The following EPB41L4A variants were observed in gnomAD, a reference collection of about 807,000 sequenced individuals.
EPB41L4A encodes erythrocyte membrane protein band 4.1 like 4A.
Under a neutral mutation model 108.6 loss-of-function variants are expected in EPB41L4A, and 100 were observed. That is an observed-to-expected ratio of 0.92 (90% confidence interval 0.78 to 1.09). EPB41L4A has a LOEUF of 1.09. Ranked by LOEUF, EPB41L4A falls within the 50% of genes least tolerant of loss-of-function variation. The pLI is 0.00. For synonymous variants in EPB41L4A, 319 were observed against 289.0 expected (o/e 1.10, Z -1.05); for missense variants, 1,030 against 842.7 (o/e 1.22, Z -2.75).
chr5:112,380,914 T>C (rs1760136829), intron 1 of EPB41L4A, among the ~76,000 whole-genome samples: 1 of 151,904 alleles, frequency 6.6e-6, no homozygotes, highest in Admixed American at 6.6e-5. Flanking sequence ...CACCAGACCA[T>C]TCTTACATTC....
At chr5:112,301,528 C>A (rs921367276) in intron 2 of EPB41L4A, among the ~76,000 whole-genome samples, 7 of 152,144 alleles carry the variant, frequency 4.6e-5, no homozygotes, top group Admixed American at 4.6e-4. Context: ...GCCATGGATA[C>A]CAGCACAGTA....
intron 12 of EPB41L4A, among the ~76,000 whole-genome samples, chr5:112,148,120 T>C (rs146612747): frequency 6.9e-4 from 102 of 147,194 alleles, no homozygotes; most frequent in African/African-American, 2.5e-3. Flanking sequence ...CTATATAATA[T>C]AATAATATAA....
At chr5:112,236,857 T>C (rs1377760163) in intron 11 of EPB41L4A, among the ~76,000 whole-genome samples, 1 of 152,212 alleles carries the variant, frequency 6.6e-6, no homozygotes, top group Non-Finnish European at 1.5e-5. Context: ...AAGGGGGATA[T>C]GAAACCTCTT....
chr5:112,156,484 CCTTT>C (rs138779470), intron 12 of EPB41L4A, among the ~76,000 whole-genome samples: 7,634 of 152,152 alleles, frequency 0.05, 647 homozygotes, highest in African/African-American at 0.17. Flanking sequence ...GCAAGCGAAT[CCTTT>C]CTTTATCCCG....
intron 1 of EPB41L4A, among the ~76,000 whole-genome samples, chr5:112,386,360 A>C (rs938515377): frequency 1.3e-5 from 2 of 152,222 alleles, no homozygotes; most frequent in African/African-American, 4.8e-5. Flanking sequence ...TTCATTAATA[A>C]ATTTTCATTG....
At chr5:112,301,548 T>C (rs1211717648) in intron 2 of EPB41L4A, among the ~76,000 whole-genome samples, 1 of 152,136 alleles carries the variant, frequency 6.6e-6, no homozygotes, top group Non-Finnish European at 1.5e-5. Context: ...ATTTGCAGTG[T>C]CTCTGGGTTC....
chr5:112,172,552 A>T (rs1458348122), intron 18 of EPB41L4A, among the ~76,000 whole-genome samples: 1 of 151,976 alleles, frequency 6.6e-6, no homozygotes, highest in African/African-American at 2.4e-5. Flanking sequence ...TACAAATCAT[A>T]GAAACTGCTT....
intron 1 of EPB41L4A, among the ~76,000 whole-genome samples, chr5:112,360,702 A>C (rs1758673051): frequency 6.6e-6 from 1 of 152,122 alleles, no homozygotes; most frequent in Non-Finnish European, 1.5e-5. Flanking sequence ...CACCCCGTCT[A>C]AGAAGTGAGG....
intron 2 of EPB41L4A, among the ~76,000 whole-genome samples, chr5:112,283,571 C>T (rs190007111): frequency 1.7e-3 from 266 of 152,268 alleles, no homozygotes; most frequent in Non-Finnish European, 3.1e-3. Flanking sequence ...ACACAATATC[C>T]CTGTTTTAAG....
intron 1 of EPB41L4A, among the ~76,000 whole-genome samples, chr5:112,316,241 A>G (rs780731995): frequency 1.4e-4 from 21 of 152,242 alleles, no homozygotes; most frequent in Non-Finnish European, 2.8e-4. Context: ...TCACAGAATG[A>G]TAACTATTAC....
At chr5:112,298,139 G>C (rs188849681) in intron 2 of EPB41L4A, among the ~76,000 whole-genome samples, 139 of 152,160 alleles carry the variant, frequency 9.1e-4, no homozygotes, top group Middle Eastern at 6.8e-3. Flanking sequence ...TGAACTGTAG[G>C]ATTGTTTTTT....
Position 112,209,974 on chromosome 5 carries a change from T to C in EPB41L4A, c.1096A>G (p.Ser366Gly), listed in dbSNP as rs1762656224. The part of the protein sequence containing the change: ...IAQTQPAESN[S>G]ISRITANMEN... ...ATGTTTGCAGTTATCCTACTGATGC[T>C]GTTTGATTCTAGCAGAGGAGGAGAA... The change falls in exon 13 of 23, where the codon AGC becomes GGC. Residue 366 changes from serine to glycine, a missense_variant. Transcript: ENST00000261486. The C allele has an allele frequency of 8.3e-6, 13 of 1,571,810 alleles. No individual in the cohort carries two copies. Among genetic ancestry groups the C allele is most frequent in the Non-Finnish European group, 1.1e-5 (13 of 1,145,234 alleles).
chr5:112,145,768 G>C, intron 13 of EPB41L4A: 2 of 316,396 alleles, frequency 6.3e-6, no homozygotes, highest in South Asian at 5.2e-5. Flanking sequence ...CCAAATCACT[G>C]TAAAAAGAAT....
intron 13 of EPB41L4A, among the ~76,000 whole-genome samples, chr5:112,206,589 G>T (rs1036478253): frequency 6.6e-6 from 1 of 152,070 alleles, no homozygotes; most frequent in Admixed American, 6.5e-5. Flanking sequence ...TATTTAATAC[G>T]ATAGTAGAAA....
intron 1 of EPB41L4A, among the ~76,000 whole-genome samples, chr5:112,417,290 A>G (rs1323411082): frequency 6.6e-6 from 1 of 152,240 alleles, no homozygotes; most frequent in East Asian, 1.9e-4. Flanking sequence ...AGAATAATGT[A>G]CACGCTCTAC....
chr5:112,146,432 C>T (rs1216778515), intron 12 of EPB41L4A, among the ~76,000 whole-genome samples: 2 of 152,094 alleles, frequency 1.3e-5, no homozygotes, highest in Non-Finnish European at 2.9e-5. Context: ...ATTCTGTGTC[C>T]CACAGGAGCA....
chr5:112,223,773 G>GA (rs1317160243), intron 12 of EPB41L4A, among the ~76,000 whole-genome samples: 2 of 152,140 alleles, frequency 1.3e-5, no homozygotes, highest in Admixed American at 6.5e-5. Flanking sequence ...TTCTAAGAAG[G>GA]AATGTCTTCT....
At chr5:112,148,666 ATGT>A (rs1483145344) in intron 12 of EPB41L4A, among the ~76,000 whole-genome samples, 1 of 152,068 alleles carries the variant, frequency 6.6e-6, no homozygotes, top group African/African-American at 2.4e-5. Flanking sequence ...ATTGATTTTT[ATGT>A]TTAGTAAGTT....
At chr5:112,255,762 T>C (rs1014669545) in intron 9 of EPB41L4A, among the ~76,000 whole-genome samples, 2 of 152,204 alleles carry the variant, frequency 1.3e-5, no homozygotes, top group Non-Finnish European at 2.9e-5. Flanking sequence ...TTATATATTC[T>C]GCTCAGACGT....
Sources: gnomAD v4.1 joint callset for allele counts (sites outside exome capture counted in the v4.1 genomes callset) on GRCh38, gnomAD v4.1.1 for gene constraint, MANE v1.5 for transcripts, NCBI Gene and HGNC (gene_info 2026-07-23, HGNC 2026-07-21) for gene names.